Variants in NUP160 observed in about 807,000 individuals in gnomAD.
NUP160 encodes nuclear pore complex protein Nup160.
A neutral mutation model predicts 196.9 loss-of-function variants in NUP160; 94 were observed. The ratio of observed to expected loss-of-function variants is 0.48; its 90% CI spans 0.40 to 0.57. The LOEUF (loss-of-function observed/expected upper bound fraction) is 0.57, where lower values mean the gene tolerates loss of function less well. Among genes scored for constraint, NUP160 ranks in the 20% least tolerant of loss-of-function variants. NUP160 has a pLI of 0.00. For missense variants in NUP160, 1,638 were observed against 1,748.3 expected, an observed-to-expected ratio of 0.94 and a Z score of 1.13; for synonymous variants, 605 against 619.7, an observed-to-expected ratio of 0.98 and a Z score of 0.35.
At chr11:47,781,658 G>A (rs1041581616) in intron 34 of NUP160, among the ~76,000 whole-genome samples, 3 of 152,064 alleles carry the variant, frequency 2.0e-5, no homozygotes, top group Non-Finnish European at 4.4e-5. Context: ...GATAACCTCT[G>A]AGCCTGTTCC....
Position 47,804,817 on chromosome 11 carries a change from C to G in NUP160, c.2607-199G>C, listed in dbSNP as rs144306330. Among the ~76,000 whole-genome samples, 149 of 152,152 alleles carry G rather than the reference C, an allele frequency of 9.8e-4. 1 individual carries two copies. The highest frequency in any genetic ancestry group is 3.3e-3 in the African/African-American group (139 of 41,496). On this transcript the variant is annotated intron_variant, in intron 20 of 35. Transcript: ENST00000378460. ...TTATACCAGGAGACTTGTTATAGTG[C>G]TTAGAACTCAGATAACTATGGAATA...
At chr11:47,813,898 C>T (rs184599995) in intron 13 of NUP160, among the ~76,000 whole-genome samples, 36 of 151,410 alleles carry the variant, frequency 2.4e-4, no homozygotes, top group African/African-American at 7.8e-4. Flanking sequence ...GGTGAAACCC[C>T]GTCTCTACTA....
intron 20 of NUP160, 88 bp downstream of exon 20, chr11:47,806,065 C>T (rs1358216459): frequency 1.7e-5 from 22 of 1,258,552 alleles, no homozygotes; most frequent in Non-Finnish European, 2.5e-5. Context: ...AAACCTGCCT[C>T]CACCTCCCAA....
Position 47,792,777 on chromosome 11 carries a change from T to G in NUP160, c.3450+9A>C. 6.3e-7 allele frequency: 1 copy of G among 1,587,098 alleles called. No individual in the cohort carries two copies. The highest frequency in any genetic ancestry group is 1.7e-4 in the Middle Eastern group (1 of 5,962). On this transcript the variant is annotated intron_variant, in intron 28 of 35. Transcript: ENST00000378460. ...AACCCCCAAATTCCAGGATGAAATG[T>G]TTTCATACCACTGCACCAGACACTG...
At chr11:47,842,498 G>A (rs1852325830) in intron 2 of NUP160, among the ~76,000 whole-genome samples, 1 of 151,962 alleles carries the variant, frequency 6.6e-6, no homozygotes, top group South Asian at 2.1e-4. Context: ...TTTGGGGTGG[G>A]GCCTCAAGGA....
chr11:47,796,401 C>G (rs1215766398), intron 27 of NUP160: 1 of 403,046 alleles, frequency 2.5e-6, no homozygotes, highest in Non-Finnish European at 4.5e-6. Flanking sequence ...TAAGAAGAAC[C>G]TAATTAAATA....
intron 32 of NUP160, among the ~76,000 whole-genome samples, chr11:47,786,008 G>A (rs1265732435): frequency 1.3e-5 from 2 of 152,230 alleles, no homozygotes; most frequent in Non-Finnish European, 2.9e-5. Flanking sequence ...ACGAACCAGA[G>A]GAGATCTGAA....
exon 32 of NUP160, chr11:47,786,546 T>G: frequency 6.2e-7 from 1 of 1,609,732 alleles, no homozygotes; most frequent in Non-Finnish European, 8.5e-7. Context: ...AAATTGCAAT[T>G]TGATGCATCT....
intron 31 of NUP160, 23 bp from the exon 32 acceptor site, chr11:47,786,577 C>T (rs771412103): frequency 6.8e-7 from 1 of 1,466,212 alleles, no homozygotes; most frequent in Non-Finnish European, 9.6e-7. Flanking sequence ...TGGTTCCACA[C>T]TTGAAAACTG....
At chr11:47,817,905 T>G in intron 11 of NUP160, 151 bp downstream of exon 11, 1 of 562,734 alleles carries the variant, frequency 1.8e-6, no homozygotes, top group South Asian at 2.8e-5. Flanking sequence ...GGAAAGAACA[T>G]TAAAAAAATT....
At chr11:47,821,664 G>C in intron 9 of NUP160, 60 bp downstream of exon 9, 1 of 1,295,044 alleles carries the variant, frequency 7.7e-7, no homozygotes, top group Non-Finnish European at 1.1e-6. Flanking sequence ...CCGGCCTCTC[G>C]TCTTCTTAGC....
intron 2 of NUP160, 97 bp downstream of exon 2, chr11:47,847,751 C>T: frequency 1.3e-6 from 1 of 781,086 alleles, no homozygotes; most frequent in Non-Finnish European, 2.3e-6. Context: ...CCCTAAGTGT[C>T]AATTACCGCT....
rs969800669 is a variant in NUP160 at position 47,801,711 on chromosome 11, C to T, written c.2895+100G>A. 9 of 1,159,832 alleles carry T rather than the reference C, an allele frequency of 7.8e-6. No individual in the cohort carries two copies. The African/African-American group carries it at 1.1e-4, about 14-fold the overall frequency. The allele number at this position is 1,159,832 out of a possible 1,614,324, so 71.8% of individuals were successfully genotyped here. A position where few individuals can be genotyped will look rare whatever the true frequency, so the allele number is the denominator to read the frequency against. ...TTAAATTTGGAAGTTCAGGGAGCAA[C>T]TGAATTTTTATAGTATTTTTCTCCA... is the stretch of plus-strand genomic sequence containing the variant. On this transcript the variant is annotated intron_variant, in intron 23 of 35. Coordinates refer to ENST00000378460, the Ensembl canonical transcript of NUP160.
At chr11:47,806,790 TACACACACACACAC>T (rs57141346) in intron 19 of NUP160, among the ~76,000 whole-genome samples, 13,275 of 111,384 alleles carry the variant, frequency 0.12, 826 homozygotes, top group East Asian at 0.2. Flanking sequence ...AAAGCAGCTA[TACACACACACACAC>T]ACACACACAC....
At chr11:47,783,660 T>A (rs1043198110) in intron 33 of NUP160, among the ~76,000 whole-genome samples, 10 of 152,304 alleles carry the variant, frequency 6.6e-5, no homozygotes, top group Non-Finnish European at 1.3e-4. Flanking sequence ...TAATTAAGCA[T>A]GCTTTCTATA....
At chr11:47,824,043 A>G (rs11603158) in intron 7 of NUP160, among the ~76,000 whole-genome samples, 13,200 of 124,870 alleles carry the variant, frequency 0.11, 909 homozygotes, top group Middle Eastern at 0.17. Context: ...ATATATATAT[A>G]TATATATATA....
At chr11:47,806,490 C>G (rs2097677736) in intron 19 of NUP160, 178 bp from the exon 20 acceptor site, 1 of 533,014 alleles carries the variant, frequency 1.9e-6, no homozygotes, top group Non-Finnish European at 3.3e-6. Context: ...AATTGTGAGG[C>G]ACTATAAAAA....
At chr11:47,843,531 T>C (rs1427915852) in intron 2 of NUP160, among the ~76,000 whole-genome samples, 1 of 152,218 alleles carries the variant, frequency 6.6e-6, no homozygotes, top group Non-Finnish European at 1.5e-5. Context: ...AGTCCCAGAC[T>C]GCTCTACTCA....
chr11:47,843,300 C>T (rs1852340918), intron 2 of NUP160, among the ~76,000 whole-genome samples: 1 of 152,158 alleles, frequency 6.6e-6, no homozygotes, highest in African/African-American at 2.4e-5. Flanking sequence ...CAATTCCTGA[C>T]CAGGTCATCA....
Sources: allele counts gnomAD v4.1 joint callset (sites outside exome capture counted in the v4.1 genomes callset), GRCh38; gene constraint gnomAD v4.1.1; transcripts MANE v1.5; gene names NCBI Gene and HGNC (gene_info 2026-07-23, HGNC 2026-07-21).